SRRM3: variants seen among roughly 807,000 people sequenced by gnomAD.
The protein encoded by SRRM3 is serine/arginine repetitive matrix protein 3.
In SRRM3, 27 loss-of-function variants were observed where a neutral mutation model predicts 66.2. That is an observed-to-expected ratio of 0.41 (90% CI 0.30 to 0.56). The LOEUF is 0.56. Among genes scored for constraint, SRRM3 ranks in the 20% least tolerant of loss-of-function variants. The pLI is 0.32. For missense variants in SRRM3, 918 were observed against 991.9 expected, an observed-to-expected ratio of 0.93 and a Z score of 1.00; for synonymous variants, 391 against 414.9, an observed-to-expected ratio of 0.94 and a Z score of 0.70.
chr7:76,284,845 G>GA (rs1802615530), intron 14 of SRRM3, among the ~76,000 whole-genome samples: 1 of 152,242 alleles, frequency 6.6e-6, no homozygotes, highest in African/African-American at 2.4e-5. Context: ...GGAGGTAGCT[G>GA]AGTGAGGAGT....
At chr7:76,224,077 C>CTTTTTT (rs782746897) in intron 1 of SRRM3, among the ~76,000 whole-genome samples, 4 of 60,938 alleles carry the variant, frequency 6.6e-5, no homozygotes, top group Non-Finnish European at 1.2e-4. Flanking sequence ...TCCCTTCCCT[C>CTTTTTT]TTTTTTTTTT....
chr7:76,225,922 T>C (rs1800854221), intron 1 of SRRM3, among the ~76,000 whole-genome samples: 1 of 152,124 alleles, frequency 6.6e-6, no homozygotes, highest in Admixed American at 6.5e-5. Flanking sequence ...AGCTTATGAA[T>C]TCCCAAAGAT....
chr7:76,251,243 T>G (rs921643957), intron 3 of SRRM3, among the ~76,000 whole-genome samples: 1 of 152,212 alleles, frequency 6.6e-6, no homozygotes, highest in Non-Finnish European at 1.5e-5. Flanking sequence ...ATCAGCTCTG[T>G]GGGGCTCAGT....
rs781823882 is a variant in SRRM3, at chr7:76,235,195, G to C, written c.129G>C (p.Glu43Asp). The change falls in exon 2 of 15, where the codon GAG (glutamate) becomes GAC (aspartate). Residue 43 changes from glutamate (E) to aspartate (D), a missense_variant. Glu to Asp is a conservative substitution (Grantham distance 45). Transcript: ENST00000611745. ...PRAEEELRAAEPGLVKRAHRE... is the reference protein window; with the variant it reads ...PRAEEELRAADPGLVKRAHRE... The stretch of plus-strand genomic sequence containing the variant: ...CGGAAGAGGAGCTGCGCGCCGCGGA[G>C]CCGGGCCTGGTGAAGCGCGCGCACC... The C allele has an allele frequency of 1.3e-6, 2 of 1,549,948 alleles. No homozygotes were observed. Among genetic ancestry groups the C allele is most frequent in the Non-Finnish European group, 8.6e-7 (1 of 1,156,132 alleles).
intron 11 of SRRM3, among the ~76,000 whole-genome samples, chr7:76,274,522 A>G (rs1171600527): frequency 6.6e-6 from 1 of 152,224 alleles, no homozygotes; most frequent in Non-Finnish European, 1.5e-5. Flanking sequence ...CCATGATCCA[A>G]CTCAGACAGG....
Position 76,248,260 on chromosome 7 carries a change from C to T in SRRM3, c.306C>T (p.Leu102=), listed in dbSNP as rs782486426. The T allele has an allele frequency of 6.2e-7, 1 of 1,613,774 alleles. No homozygotes were observed. The highest frequency in any genetic ancestry group is 1.1e-5 in the South Asian group (1 of 91,018). Residue 102 remains leucine, a synonymous_variant, in exon 3 of 15, where the codon CTC becomes CTT. Transcript: ENST00000611745. ...TGCTGATGGAGAAGGAGGGAGTGCT[C>T]ACCAGGGAGGACCGGCCTGGGGGCC... ...RQMLMEKEGV[L]TREDRPGGHI...
intron 1 of SRRM3, among the ~76,000 whole-genome samples, chr7:76,213,266 C>T (rs1800480057): frequency 1.3e-5 from 2 of 152,106 alleles, no homozygotes; most frequent in Non-Finnish European, 2.9e-5. Context: ...CCGCCTCAGC[C>T]TCCCACAGTG....
intron 2 of SRRM3, among the ~76,000 whole-genome samples, chr7:76,244,077 A>C (rs1554605921): frequency 6.6e-6 from 1 of 152,180 alleles, no homozygotes; most frequent in Non-Finnish European, 1.5e-5. Context: ...GCAGCAGTGC[A>C]GGGTGGCCTG....
intron 1 of SRRM3, among the ~76,000 whole-genome samples, chr7:76,227,813 A>G (rs938184218): frequency 2.6e-5 from 4 of 152,128 alleles, no homozygotes; most frequent in African/African-American, 9.7e-5. Context: ...TGTTTGAACA[A>G]TTCCTGTAAT....
At chr7:76,218,208 G>A (rs1480959249) in intron 1 of SRRM3, among the ~76,000 whole-genome samples, 1 of 152,158 alleles carries the variant, frequency 6.6e-6, no homozygotes, top group Non-Finnish European at 1.5e-5. Context: ...TTCACTGCAG[G>A]GTCAGTCCTC....
intron 8 of SRRM3, among the ~76,000 whole-genome samples, chr7:76,263,875 G>GCCAAAAAAA (rs1243393227): frequency 0.04 from 1,074 of 26,674 alleles, 116 homozygotes; most frequent in Non-Finnish European, 0.049. Flanking sequence ...TCTGTCTCAA[G>GCCAAAAAAA]ACAAAAAAAA....
At chr7:76,266,481 A>T (rs1802049939) in intron 10 of SRRM3, among the ~76,000 whole-genome samples, 1 of 111,092 alleles carries the variant, frequency 9.0e-6, no homozygotes, top group African/African-American at 3.7e-5. Context: ...ATATTTATAT[A>T]TTTTATATAT....
At chr7:76,252,483 A>C (rs1554607020) in intron 3 of SRRM3, among the ~76,000 whole-genome samples, 1 of 152,102 alleles carries the variant, frequency 6.6e-6, no homozygotes, top group East Asian at 1.9e-4. Context: ...CACCATGCCC[A>C]GCGAATTTTT....
intron 3 of SRRM3, among the ~76,000 whole-genome samples, chr7:76,253,514 G>T (rs1017515589): frequency 6.6e-6 from 1 of 151,776 alleles, no homozygotes; most frequent in Non-Finnish European, 1.5e-5. Flanking sequence ...TCCGCTACTC[G>T]GGAAGCTGAG....
At chr7:76,204,291 C>G (rs1800239891) in intron 1 of SRRM3, among the ~76,000 whole-genome samples, 1 of 152,128 alleles carries the variant, frequency 6.6e-6, no homozygotes, top group East Asian at 1.9e-4. Flanking sequence ...TCCAGGGGCA[C>G]CAATGGGGAG....
At chr7:76,242,661 C>T (rs909226954) in intron 2 of SRRM3, among the ~76,000 whole-genome samples, 1 of 152,120 alleles carries the variant, frequency 6.6e-6, no homozygotes, top group Non-Finnish European at 1.5e-5. Flanking sequence ...GAGCCCTGAG[C>T]TTGTTTTCCT....
chr7:76,262,008 G>A (rs1554608851), intron 8 of SRRM3, among the ~76,000 whole-genome samples: 1 of 151,858 alleles, frequency 6.6e-6, no homozygotes. Flanking sequence ...AGAGTTTCTC[G>A]GGGACAGGTG....
At chr7:76,249,215 A>G (rs953487607) in intron 3 of SRRM3, among the ~76,000 whole-genome samples, 4 of 151,816 alleles carry the variant, frequency 2.6e-5, no homozygotes, top group African/African-American at 9.7e-5. Flanking sequence ...GTGAAACTCA[A>G]TCTCTACAAA....
rs1802569396 is a variant in SRRM3 at position 76,283,043 on chromosome 7, C to T, written c.1675C>T (p.Pro559Ser). 2 of 1,495,296 alleles carry T rather than the reference C, an allele frequency of 1.3e-6. No homozygotes were observed. Among genetic ancestry groups the T allele is most frequent in the South Asian group, 1.3e-5 (1 of 78,620 alleles). 92.6% of individuals were successfully genotyped at this position (1,495,296 alleles called of 1,614,324 possible). A position where few individuals can be genotyped will look rare whatever the true frequency, so the allele number is the denominator to read the frequency against. Residue 559 changes from proline to serine, a missense_variant, in exon 14 of 15, where the codon CCC becomes TCC. Coordinates refer to ENST00000611745, the MANE Select transcript of SRRM3 (RefSeq NM_001110199.3). ...CCGGCGCCGCTCCCGCAGCTACTCG[C>T]CCATCCGCAAGCGGCGCCGGGACTC... is the stretch of plus-strand genomic sequence containing the variant. ...RARRRSRSYSPIRKRRRDSPS... is the reference protein window; with the variant it reads ...RARRRSRSYSSIRKRRRDSPS...
Sources: gnomAD v4.1 joint callset for allele counts (sites outside exome capture counted in the v4.1 genomes callset) on GRCh38, gnomAD v4.1.1 for gene constraint, MANE v1.5 for transcripts, NCBI Gene and HGNC (gene_info 2026-07-23, HGNC 2026-07-21) for gene names.